Variants in LAMA2 observed in about 807,000 individuals in gnomAD.
The protein encoded by LAMA2 is laminin subunit alpha 2.
In LAMA2, 269 loss-of-function variants were observed where a neutral mutation model predicts 364.8. That is an observed-to-expected ratio of 0.74 (90% CI 0.67 to 0.82). The LOEUF (loss-of-function observed/expected upper bound fraction) is 0.82, where lower values mean the gene tolerates loss of function less well. Among genes scored for constraint, LAMA2 ranks in the 40% least tolerant of loss-of-function variants. LAMA2 has a pLI of 0.00. For missense variants in LAMA2, 3,807 were observed against 3,873.2 expected (o/e 0.98, Z 0.45); for synonymous variants, 1,379 against 1,370.6 (o/e 1.01, Z -0.14).
intron 12 of LAMA2, among the ~76,000 whole-genome samples, chr6:129,196,197 A>C (rs1781839291): frequency 6.6e-6 from 1 of 152,210 alleles, no homozygotes; most frequent in African/African-American, 2.4e-5. Flanking sequence ...TTTAAGATGC[A>C]CATTAGGAGA....
chr6:129,012,023 T>G (rs899253112), intron 1 of LAMA2, among the ~76,000 whole-genome samples: 1 of 152,190 alleles, frequency 6.6e-6, no homozygotes, highest in Admixed American at 6.5e-5. Flanking sequence ...TTCTTCACCC[T>G]TGTGTTCCTT....
chr6:129,164,880 A>G (rs1779645602), intron 8 of LAMA2, among the ~76,000 whole-genome samples: 1 of 152,192 alleles, frequency 6.6e-6, no homozygotes, highest in Non-Finnish European at 1.5e-5. Context: ...TTGTCTTAAA[A>G]TTTGATTTTA....
intron 3 of LAMA2, among the ~76,000 whole-genome samples, chr6:129,077,570 A>G (rs1773741889): frequency 6.6e-6 from 1 of 152,196 alleles, no homozygotes; most frequent in South Asian, 2.1e-4. Flanking sequence ...ATGCACATAG[A>G]TAAATATGTA....
At chr6:129,037,815 G>T (rs1019471543) in intron 1 of LAMA2, among the ~76,000 whole-genome samples, 5 of 151,994 alleles carry the variant, frequency 3.3e-5, no homozygotes, top group Non-Finnish European at 7.4e-5. Context: ...AACTACAGGT[G>T]CTTGCCACCA....
chr6:128,987,896 G>A (rs1783367765), intron 1 of LAMA2, among the ~76,000 whole-genome samples: 1 of 152,132 alleles, frequency 6.6e-6, no homozygotes, highest in Non-Finnish European at 1.5e-5. Flanking sequence ...GTTTCTTTGA[G>A]ACAGAGTCTC....
chr6:129,403,718 A>G, intron 39 of LAMA2, 103 bp from the exon 40 acceptor site: 1 of 1,019,474 alleles, frequency 9.8e-7, no homozygotes, highest in Non-Finnish European at 1.5e-6. Context: ...TCATAGATAT[A>G]TTGGCCATGA....
At chr6:129,066,072 G>C (rs1789312739) in intron 3 of LAMA2, among the ~76,000 whole-genome samples, 1 of 28,880 alleles carries the variant, frequency 3.5e-5, no homozygotes, top group Non-Finnish European at 8.0e-5. Context: ...TTGAGACGCA[G>C]TCTCGCTCTG....
At chr6:129,267,243 T>C (rs1203750114) in intron 16 of LAMA2, 24 bp downstream of exon 16, 9 of 1,467,632 alleles carry the variant, frequency 6.1e-6, no homozygotes, top group South Asian at 2.3e-5. Context: ...TCTTTGGGGA[T>C]GCTGATTGAC....
chr6:129,124,978 T>C (rs1351598642), intron 4 of LAMA2, among the ~76,000 whole-genome samples: 3 of 152,132 alleles, frequency 2.0e-5, no homozygotes, highest in Non-Finnish European at 2.9e-5. Context: ...GGACAAATGA[T>C]AGTGGCTTGG....
chr6:128,945,402 G>A (rs989931067), intron 1 of LAMA2, among the ~76,000 whole-genome samples: 1 of 152,154 alleles, frequency 6.6e-6, no homozygotes, highest in East Asian at 1.9e-4. Context: ...CATCTGATCT[G>A]TGTCACTCAA....
intron 3 of LAMA2, among the ~76,000 whole-genome samples, chr6:129,085,799 T>C (rs1300044142): frequency 6.6e-6 from 1 of 152,086 alleles, no homozygotes; most frequent in Non-Finnish European, 1.5e-5. Context: ...TTCAGAAAAA[T>C]TGGGAGAAAA....
At chr6:129,020,400 G>A (rs756116188) in intron 1 of LAMA2, among the ~76,000 whole-genome samples, 13 of 152,112 alleles carry the variant, frequency 8.5e-5, no homozygotes, top group Non-Finnish European at 1.5e-4. Flanking sequence ...TTCATTACAC[G>A]CACATGTACC....
chr6:129,024,884 G>A (rs1173841724), intron 1 of LAMA2, among the ~76,000 whole-genome samples: 2 of 151,992 alleles, frequency 1.3e-5, no homozygotes, highest in Non-Finnish European at 2.9e-5. Context: ...AGGAGTCTGA[G>A]GTTATAGCAC....
In LAMA2 at chr6:129,049,875, T is replaced by A. The variant is rs770054898; in HGVS notation, c.113-43T>A. On this transcript the variant is annotated intron_variant, in intron 1 of 64. Transcript: ENST00000421865. ...TTTTAAAATGTATCAAAATCCTAAC[T>A]TTGTTTCTGGTCTACACACCTTCAT... is the stretch of plus-strand genomic sequence containing the variant. The A allele has an allele frequency of 6.4e-6, 10 of 1,569,664 alleles. No individual in the cohort carries two copies. In the South Asian group the frequency reaches 1.1e-4, roughly 17 times the overall value.
chr6:129,024,343 A>G (rs1404212967), intron 1 of LAMA2, among the ~76,000 whole-genome samples: 1 of 150,676 alleles, frequency 6.6e-6, no homozygotes, highest in African/African-American at 2.4e-5. Flanking sequence ...GAACATATTC[A>G]ACCCAATCAC....
At chr6:129,031,753 A>C (rs1429360215) in intron 1 of LAMA2, among the ~76,000 whole-genome samples, 1 of 152,166 alleles carries the variant, frequency 6.6e-6, no homozygotes, top group Non-Finnish European at 1.5e-5. Context: ...ATTTTCTGAC[A>C]AAAGAAAGTT....
At chr6:129,415,945 CTTTTTTTT>C (rs952225363) in intron 40 of LAMA2, among the ~76,000 whole-genome samples, 1 of 33,732 alleles carries the variant, frequency 3.0e-5, no homozygotes, top group Non-Finnish European at 5.3e-5. Context: ...CACTTTCTTT[CTTTTTTTT>C]TTTTTTTTTT....
intron 27 of LAMA2, among the ~76,000 whole-genome samples, chr6:129,316,829 G>A (rs1024316456): frequency 6.6e-6 from 1 of 152,136 alleles, no homozygotes; most frequent in Non-Finnish European, 1.5e-5. Flanking sequence ...TCATGATACC[G>A]GTCTCAGTGT....
chr6:129,279,532 G>T (rs1448451691), intron 17 of LAMA2, among the ~76,000 whole-genome samples: 2 of 152,174 alleles, frequency 1.3e-5, no homozygotes, highest in Admixed American at 1.3e-4. Context: ...CTTTCCTGAG[G>T]ATTCCATCAG....
Sources: allele counts gnomAD v4.1 joint callset (sites outside exome capture counted in the v4.1 genomes callset), GRCh38; gene constraint gnomAD v4.1.1; transcripts MANE v1.5; gene names NCBI Gene and HGNC (gene_info 2026-07-23, HGNC 2026-07-21).